CNTN5: variants seen among roughly 807,000 people sequenced by gnomAD.
CNTN5 encodes the protein contactin-5.
CNTN5 carries 77 observed loss-of-function variants against 129.1 expected under a neutral mutation model. The ratio of observed to expected loss-of-function variants is 0.60; its 90% CI spans 0.50 to 0.72. CNTN5 has a LOEUF of 0.72. Ranked by LOEUF, CNTN5 falls within the 30% of genes least tolerant of loss-of-function variation. CNTN5 has a pLI of 0.00. For synonymous variants in CNTN5, 509 were observed against 465.6 expected, an observed-to-expected ratio of 1.09 and a Z score of -1.20; for missense variants, 1,478 against 1,328.8, an observed-to-expected ratio of 1.11 and a Z score of -1.75.
chr11:99,385,228 G>C (rs754380145), intron 2 of CNTN5, among the ~76,000 whole-genome samples: 4 of 152,074 alleles, frequency 2.6e-5, no homozygotes, highest in African/African-American at 9.7e-5. Flanking sequence ...TGTTGTGCAA[G>C]AGATCTCCCA....
At chr11:99,124,448 G>A (rs1226706073) in intron 1 of CNTN5, among the ~76,000 whole-genome samples, 1 of 151,938 alleles carries the variant, frequency 6.6e-6, no homozygotes, top group Non-Finnish European at 1.5e-5. Context: ...TGGGGTTTCT[G>A]TGTGTAGAAT....
At chr11:99,409,414 G>A (rs1942286057) in intron 2 of CNTN5, among the ~76,000 whole-genome samples, 1 of 152,212 alleles carries the variant, frequency 6.6e-6, no homozygotes. Context: ...CTTGCAGCAA[G>A]CAAAGCCCGT....
intron 6 of CNTN5, among the ~76,000 whole-genome samples, chr11:99,908,372 A>G (rs920536540): frequency 6.6e-6 from 1 of 152,072 alleles, no homozygotes; most frequent in Non-Finnish European, 1.5e-5. Flanking sequence ...TGGTTTTACT[A>G]TGACATCCTT....
chr11:99,110,378 T>C (rs1475354185), intron 1 of CNTN5, among the ~76,000 whole-genome samples: 5 of 152,146 alleles, frequency 3.3e-5, no homozygotes, highest in African/African-American at 9.6e-5. Context: ...AATATCTCGC[T>C]TTTTCAAAGC....
chr11:99,196,280 C>G (rs76090581), intron 1 of CNTN5, among the ~76,000 whole-genome samples: 1 of 151,644 alleles, frequency 6.6e-6, no homozygotes, highest in Admixed American at 6.6e-5. Context: ...CATATTTTTA[C>G]AATTTATTTT....
chr11:99,805,613 C>G (rs942347546), intron 3 of CNTN5, among the ~76,000 whole-genome samples: 1 of 152,104 alleles, frequency 6.6e-6, no homozygotes, highest in African/African-American at 2.4e-5. Flanking sequence ...TTTCATAAAC[C>G]ATGGTGACCA....
intron 6 of CNTN5, among the ~76,000 whole-genome samples, chr11:99,867,940 C>T (rs1426279856): frequency 3.3e-5 from 5 of 152,086 alleles, no homozygotes; most frequent in Admixed American, 6.5e-5. Flanking sequence ...ACTGGCCAAG[C>T]GCGGTGGCTC....
intron 1 of CNTN5, among the ~76,000 whole-genome samples, chr11:99,160,340 A>G (rs1860547964): frequency 6.6e-6 from 1 of 152,190 alleles, no homozygotes; most frequent in Non-Finnish European, 1.5e-5. Context: ...TGTTTTGTTT[A>G]GTTTAGCATA....
chr11:99,336,952 T>A (rs985514016), intron 2 of CNTN5, among the ~76,000 whole-genome samples: 1 of 151,992 alleles, frequency 6.6e-6, no homozygotes. Context: ...GTGTACAGAT[T>A]TTTTTTTACA....
chr11:99,374,570 G>T (rs573662843), intron 2 of CNTN5, among the ~76,000 whole-genome samples: 178 of 152,276 alleles, frequency 1.2e-3, no homozygotes, highest in Non-Finnish European at 2.2e-3. Flanking sequence ...TGTAGTCCCA[G>T]CTACTCCAGA....
intron 9 of CNTN5, among the ~76,000 whole-genome samples, chr11:100,038,229 A>T (rs1421922267): frequency 1.3e-5 from 2 of 152,032 alleles, no homozygotes; most frequent in Non-Finnish European, 2.9e-5. Flanking sequence ...TTATGTACCC[A>T]GTAGTCATTC....
chr11:100,130,988 AC>A (rs1337454056), intron 13 of CNTN5, among the ~76,000 whole-genome samples: 1 of 152,144 alleles, frequency 6.6e-6, no homozygotes, highest in East Asian at 1.9e-4. Flanking sequence ...TTGTTATGTA[AC>A]ATTGGTATCA....
chr11:99,296,360 T>A (rs1344314133), intron 1 of CNTN5, among the ~76,000 whole-genome samples: 1 of 152,178 alleles, frequency 6.6e-6, no homozygotes, highest in Non-Finnish European at 1.5e-5. Context: ...CTTTCTCTGA[T>A]GTTCTCAGAA....
At chr11:99,791,887 C>T (rs1257287671) in intron 3 of CNTN5, among the ~76,000 whole-genome samples, 2 of 151,992 alleles carry the variant, frequency 1.3e-5, no homozygotes, top group Non-Finnish European at 2.9e-5. Flanking sequence ...GATTTTTGCT[C>T]TTGTTTTGGC....
At chr11:99,852,439 A>C (rs2135729407) in intron 6 of CNTN5, among the ~76,000 whole-genome samples, 1 of 152,314 alleles carries the variant, frequency 6.6e-6, no homozygotes, top group Non-Finnish European at 1.5e-5. Flanking sequence ...AATCTTCCAA[A>C]ATGCTGGGAT....
At chr11:99,577,978 C>T (rs943583038) in intron 3 of CNTN5, among the ~76,000 whole-genome samples, 18 of 131,090 alleles carry the variant, frequency 1.4e-4, no homozygotes, top group Admixed American at 3.1e-4. Flanking sequence ...TCCCTCCCCC[C>T]TCCCCCCACC....
intron 6 of CNTN5, among the ~76,000 whole-genome samples, chr11:99,890,920 G>C (rs1036758153): frequency 3.9e-5 from 6 of 151,980 alleles, no homozygotes; most frequent in African/African-American, 1.4e-4. Context: ...AATATCCCCA[G>C]TAAGATAATG....
chr11:99,438,930 G>A (rs990465140), intron 2 of CNTN5, among the ~76,000 whole-genome samples: 3 of 152,140 alleles, frequency 2.0e-5, no homozygotes, highest in African/African-American at 7.2e-5. Context: ...ATGTTGTGAC[G>A]CTATAGAACT....
intron 8 of CNTN5, among the ~76,000 whole-genome samples, chr11:99,975,807 C>A (rs1296865265): frequency 1.3e-5 from 2 of 152,108 alleles, no homozygotes; most frequent in Non-Finnish European, 1.5e-5. Flanking sequence ...CCATATCATT[C>A]TACCGCGGCC....
Sources: allele counts gnomAD v4.1 joint callset (sites outside exome capture counted in the v4.1 genomes callset), GRCh38; gene constraint gnomAD v4.1.1; transcripts MANE v1.5; gene names NCBI Gene and HGNC (gene_info 2026-07-23, HGNC 2026-07-21).